The following ERBB3 variants were observed in gnomAD, a reference collection of about 807,000 sequenced individuals.
ERBB3 encodes the protein erb-b2 receptor tyrosine kinase 3.
A neutral mutation model predicts 156.7 loss-of-function variants in ERBB3; 96 were observed. The ratio of observed to expected loss-of-function variants is 0.61; its 90% CI spans 0.52 to 0.73. The LOEUF (loss-of-function observed/expected upper bound fraction) is 0.73, where lower values mean the gene tolerates loss of function less well. Ranked by LOEUF, ERBB3 falls within the 30% of genes least tolerant of loss-of-function variation. The pLI, the probability that ERBB3 is intolerant of heterozygous loss-of-function variation, is 0.00. For synonymous variants in ERBB3, 567 were observed against 632.0 expected (o/e 0.90, Z 1.54); for missense variants, 1,406 against 1,709.4 (o/e 0.82, Z 3.13).
intron 1 of ERBB3, 41 bp from the exon 2 acceptor site, chr12:56,083,710 T>C: frequency 6.2e-7 from 1 of 1,611,894 alleles, no homozygotes; most frequent in Non-Finnish European, 8.5e-7. Flanking sequence ...GCTGAGAATT[T>C]GTGTCCAGCC....
chr12:56,092,389 CAAAAAAAAAAAAAA>C lies in ERBB3; in HGVS notation c.1110-340_1110-327del, dbSNP rs60865127. Among the ~76,000 whole-genome samples, 72 of 42,868 alleles carry C rather than the reference CAAAAAAAAAAAAAA, an allele frequency of 1.7e-3. 1 individual carries two copies. Among genetic ancestry groups the C allele is most frequent in the African/African-American group, 6.4e-3 (69 of 10,760 alleles). 28.1% of individuals were successfully genotyped at this position (42,868 alleles called of 152,430 possible). On this transcript the variant is annotated intron_variant, in intron 9 of 27. Transcript: ENST00000267101. Reference sequence around the variant, plus strand: ...TGGGCGATAGAGCAAGACTCTGTCTCAAAAAAAAAAAAAAAAAAAAAAAAAAAAAAAGGTCTTCC... The same window carrying C: ...TGGGCGATAGAGCAAGACTCTGTCTCAAAAAAAAAAAAAAAAAGGTCTTCC...
rs745555924 is a variant in ERBB3 at position 56,101,643 on chromosome 12, A to G, written c.3617A>G (p.His1206Arg). Residue 1206 changes from histidine (H) to arginine (R), a missense_variant, in exon 28 of 28, where the codon CAC (histidine) becomes CGC (arginine). Transcript: ENST00000267101. ...GAATACATGAACCGGAGGAGAAGGC[A>G]CAGTCCACCTCATCCCCCTAGGCCA... is the stretch of plus-strand genomic sequence containing the variant. ...EYEYMNRRRR[H>R]SPPHPPRPSS... is the part of the protein sequence containing the mutation. 2.5e-6 allele frequency: 4 copies of G among 1,614,002 alleles called. No individual in the cohort carries two copies. The Admixed American group carries it at 6.7e-5, about 27-fold the overall frequency.
At chr12:56,096,872 G>A (rs181291405) in intron 19 of ERBB3, 26 bp downstream of exon 19, 11 of 1,546,636 alleles carry the variant, frequency 7.1e-6, no homozygotes, top group East Asian at 2.2e-5. Flanking sequence ...TCTGTATGCC[G>A]CTAGGAGAGA....
intron 23 of ERBB3, 120 bp from the exon 24 acceptor site, chr12:56,099,528 A>G (rs1469839300): frequency 1.2e-6 from 1 of 810,228 alleles, no homozygotes; most frequent in Non-Finnish European, 2.2e-6. Flanking sequence ...CAAAGTCCCG[A>G]CCTCAGGTGA....
chr12:56,102,599 A>G lies in ERBB3; in HGVS notation c.*544A>G. On this transcript the variant is annotated 3_prime_UTR_variant, in exon 28 of 28. Transcript: ENST00000267101. ...TTAACTATGAGCCAGGCATCATACTAAACTTCACCTACATTATCTCACTTA... is the reference window on the plus strand; with the variant it reads ...TTAACTATGAGCCAGGCATCATACTGAACTTCACCTACATTATCTCACTTA... 1 of 235,434 alleles carries G rather than the reference A, an allele frequency of 4.2e-6. No individual in the cohort carries two copies. The highest frequency in any genetic ancestry group is 8.4e-6 in the Non-Finnish European group (1 of 119,418). 14.6% of individuals were successfully genotyped at this position (235,434 alleles called of 1,614,324 possible).
At chr12:56,081,288 T>C (rs1020748917) in intron 1 of ERBB3, among the ~76,000 whole-genome samples, 2 of 152,166 alleles carry the variant, frequency 1.3e-5, no homozygotes, top group African/African-American at 2.4e-5. Flanking sequence ...CCCGGATTGC[T>C]CTTCTCCAGT....
intron 17 of ERBB3, chr12:56,096,056 T>A (rs1565860093): frequency 3.5e-6 from 2 of 575,892 alleles, no homozygotes; most frequent in African/African-American, 1.9e-5. Context: ...ATTTGCCACA[T>A]GACTTTGAAG....
At chr12:56,086,708 T>G (rs765171065) in intron 4 of ERBB3, 52 bp downstream of exon 4, 2 of 1,609,700 alleles carry the variant, frequency 1.2e-6, no homozygotes. Flanking sequence ...CCAGAGTGAC[T>G]CCCTTCTTTC....
At chr12:56,092,722 G>T (rs2136807877) in intron 9 of ERBB3, 25 bp from the exon 10 acceptor site, 1 of 1,568,444 alleles carries the variant, frequency 6.4e-7, no homozygotes, top group Non-Finnish European at 8.8e-7. Context: ...TTACCTTATT[G>T]ACTGGTTTCT....
chr12:56,095,449 C>A, intron 16 of ERBB3, 139 bp downstream of exon 16: 1 of 901,932 alleles, frequency 1.1e-6, no homozygotes. Context: ...ACTTGGGACT[C>A]AAGAATGCAG....
Position 56,095,645 on chromosome 12 carries a change from G to C in ERBB3, c.1914-20G>C. ...AAGATGCAAACCCAGGATAATGTTG[G>C]GTTTCTATATATCCCATAGCAAAAC... On this transcript the variant is annotated intron_variant, in intron 16 of 27. Transcript: ENST00000267101. The C allele has an allele frequency of 6.2e-7, 1 of 1,613,856 alleles. No individual in the cohort carries two copies. The highest frequency in any genetic ancestry group is 8.5e-7 in the Non-Finnish European group (1 of 1,179,798).
chr12:56,093,739 T>C, intron 12 of ERBB3, 25 bp from the exon 13 acceptor site: 1 of 1,613,922 alleles, frequency 6.2e-7, no homozygotes, highest in South Asian at 1.1e-5. Flanking sequence ...CAGACTCCTC[T>C]CCTAACCCAC....
In ERBB3 at chr12:56,088,875, G is replaced by C. The variant is rs770301264; in HGVS notation, c.1109+7G>C. The C allele has an allele frequency of 3.7e-6, 6 of 1,613,818 alleles. No homozygotes were observed. The highest frequency in any genetic ancestry group is 5.1e-6 in the Non-Finnish European group (6 of 1,179,880). ...TGATCACCGGCCTCAATGGGTTAGA[G>C]ATCCTGCCTTCCCTCCTTAGACCCC... On this transcript the variant is annotated splice_region_variant and intron_variant, in intron 9 of 27. Coordinates refer to ENST00000267101, the MANE Select transcript of ERBB3 (RefSeq NM_001982.4).
At chr12:56,095,836 T>A in intron 17 of ERBB3, 30 bp downstream of exon 17, 1 of 1,613,700 alleles carries the variant, frequency 6.2e-7, no homozygotes, top group Non-Finnish European at 8.5e-7. Flanking sequence ...TTGTTTTTTC[T>A]TTTCTTTTTT....
chr12:56,087,155 T>C lies in ERBB3; in HGVS notation c.548-422T>C, dbSNP rs926296872. Among the ~76,000 whole-genome samples the C allele has an allele frequency of 2.8e-3, 326 of 118,292 alleles. 2 individuals are homozygous for C. Among genetic ancestry groups the C allele is most frequent in the African/African-American group, 9.2e-3 (312 of 34,046 alleles). The allele number at this position is 118,292 out of a possible 152,430, so 77.6% of individuals were successfully genotyped here. ...CTGTCTCAAAAAAAAAAAAAAAAAA[T>C]CCCTGAGTACTAAGCAGGGAAGCCA... On this transcript the variant is annotated intron_variant, in intron 4 of 27. Coordinates refer to ENST00000267101, the MANE Select transcript of ERBB3 (RefSeq NM_001982.4).
intron 3 of ERBB3, 65 bp from the exon 4 acceptor site, chr12:56,086,466 T>C: frequency 1.9e-6 from 3 of 1,606,276 alleles, no homozygotes; most frequent in East Asian, 4.5e-5. Context: ...TTTGGATGGG[T>C]GGAGAGGTAA....
Position 56,083,867 on chromosome 12 carries a change from C to T in ERBB3, c.199C>T (p.Leu67Phe), listed in dbSNP as rs1412388502. The change falls in exon 2 of 28, where the codon CTC becomes TTC. Residue 67 changes from leucine (L) to phenylalanine (F), a missense_variant. Physicochemically the swap from Leu to Phe is conservative, Grantham distance 22 (BLOSUM62 0). This residue lies in a region of ERBB3 where 979 missense variants were observed against 1,219.6 expected (regional missense o/e 0.80). Coordinates refer to ENST00000267101, the MANE Select transcript of ERBB3 (RefSeq NM_001982.4). ...GGTGATGGGGAACCTTGAGATTGTGCTCACGGGACACAATGCCGACCTCTC... is the reference window on the plus strand; with the variant it reads ...GGTGATGGGGAACCTTGAGATTGTGTTCACGGGACACAATGCCGACCTCTC... ...EVVMGNLEIV[L>F]TGHNADLSFL... The T allele has an allele frequency of 6.2e-7, 1 of 1,613,974 alleles. No individual in the cohort carries two copies. The highest frequency in any genetic ancestry group is 2.2e-5 in the East Asian group (1 of 44,902).
rs1869120806 is a variant in ERBB3, at chr12:56,101,865, G to A, written c.3839G>A (p.Gly1280Glu). 3.1e-6 allele frequency: 5 copies of A among 1,613,312 alleles called. No individual in the cohort carries two copies. Among genetic ancestry groups the A allele is most frequent in the Non-Finnish European group, 3.4e-6 (4 of 1,179,906 alleles). The part of the protein sequence containing the change: ...GGPGGDYAAM[G>E]ACPASEQGYE... ...CCTGGGGGTGATTATGCAGCCATGG[G>A]GGCCTGCCCAGCATCTGAGCAAGGG... is the stretch of plus-strand genomic sequence containing the variant. The change falls in exon 28 of 28, where the codon GGG (glycine) becomes GAG (glutamate). Residue 1280 changes from glycine to glutamate, a missense_variant. Transcript: ENST00000267101.
At chr12:56,097,699 A>G in intron 20 of ERBB3, 86 bp from the exon 21 acceptor site, 1 of 1,400,294 alleles carries the variant, frequency 7.1e-7, no homozygotes, top group Non-Finnish European at 1.0e-6. Flanking sequence ...CACTGCTGAG[A>G]GGTACCTTCA....
Sources: allele counts gnomAD v4.1 joint callset (sites outside exome capture counted in the v4.1 genomes callset), GRCh38; gene constraint gnomAD v4.1.1; regional missense constraint gnomAD v4.1.1; transcripts MANE v1.5; gene names NCBI Gene and HGNC (gene_info 2026-07-23, HGNC 2026-07-21).